ARHGAP8: variants seen among roughly 807,000 people sequenced by gnomAD.
ARHGAP8 encodes rho GTPase-activating protein 8.
Under a neutral mutation model 46.1 loss-of-function variants are expected in ARHGAP8, and 62 were observed. The observed-to-expected ratio is 1.34, with a 90% CI of 1.10 to 1.66. The LOEUF is 1.66. Ranked by LOEUF, ARHGAP8 falls within the 40% of genes most tolerant of loss-of-function variation. The pLI is 0.00. For missense variants in ARHGAP8, 923 were observed against 568.4 expected (o/e 1.62, Z -6.34); for synonymous variants, 375 against 243.1 (o/e 1.54, Z -5.05).
intron 1 of ARHGAP8, among the ~76,000 whole-genome samples, chr22:44,763,802 CTTT>C (rs201584311): frequency 3.3e-5 from 3 of 91,382 alleles, no homozygotes; most frequent in Non-Finnish European, 5.0e-5. Context: ...TTTTTCTTTT[CTTT>C]TTTTTTTTTT....
At chr22:44,796,702 C>A (rs1928113698) in intron 2 of ARHGAP8, among the ~76,000 whole-genome samples, 1 of 152,190 alleles carries the variant, frequency 6.6e-6, no homozygotes. Context: ...CGCTCTGAGT[C>A]CAGGACGCTC....
At chr22:44,861,295 A>G (rs1215328381) in intron 11 of ARHGAP8, among the ~76,000 whole-genome samples, 9 of 151,970 alleles carry the variant, frequency 5.9e-5, no homozygotes, top group African/African-American at 2.2e-4. Flanking sequence ...ATTAGGAGAG[A>G]CTGATTTCTC....
At chr22:44,756,090 AAGGCCAAGGCCAAACAG>A (rs1924650245) in intron 1 of ARHGAP8, among the ~76,000 whole-genome samples, 1 of 39,228 alleles carries the variant, frequency 2.5e-5, no homozygotes, top group Non-Finnish European at 7.0e-5. Flanking sequence ...TTCCACGCTG[AAGGCCAAGGCCAAACAG>A]TTCTTTCTTC....
At chr22:44,770,315 G>C (rs1360043691) in intron 1 of ARHGAP8, among the ~76,000 whole-genome samples, 1 of 151,876 alleles carries the variant, frequency 6.6e-6, no homozygotes, top group African/African-American at 2.4e-5. Context: ...ACTTCTGGGT[G>C]GGGGCTACAG....
At chr22:44,802,488 C>A (rs867858014) in intron 3 of ARHGAP8, among the ~76,000 whole-genome samples, 8 of 152,214 alleles carry the variant, frequency 5.3e-5, no homozygotes, top group Non-Finnish European at 8.8e-5. Flanking sequence ...GATGACACGG[C>A]TGCCGAGCGC....
At chr22:44,826,843 A>G (rs897373557) in intron 7 of ARHGAP8, among the ~76,000 whole-genome samples, 5 of 152,178 alleles carry the variant, frequency 3.3e-5, no homozygotes, top group Non-Finnish European at 7.4e-5. Context: ...CCATGTGGGC[A>G]GGGGCATTCC....
At chr22:44,835,480 G>T (rs1196676644) in intron 7 of ARHGAP8, among the ~76,000 whole-genome samples, 1 of 152,082 alleles carries the variant, frequency 6.6e-6, no homozygotes, top group Non-Finnish European at 1.5e-5. Context: ...AATTAGCCGG[G>T]CATGGTTGCA....
intron 2 of ARHGAP8, among the ~76,000 whole-genome samples, chr22:44,796,532 T>G (rs1928097805): frequency 1.3e-5 from 2 of 150,888 alleles, no homozygotes; most frequent in African/African-American, 4.9e-5. Flanking sequence ...CTGAGTTCAC[T>G]CTGTGGCCTG....
At chr22:44,845,551 G>GA (rs2069933883) in intron 8 of ARHGAP8, among the ~76,000 whole-genome samples, 1 of 118,548 alleles carries the variant, frequency 8.4e-6, no homozygotes, top group African/African-American at 4.7e-5. Context: ...TGTGACCTGG[G>GA]GCAGTTACCC....
chr22:44,834,249 T>C (rs1466728649), intron 7 of ARHGAP8, among the ~76,000 whole-genome samples: 2 of 152,180 alleles, frequency 1.3e-5, no homozygotes. Flanking sequence ...TTTTAGAATC[T>C]TGCTTTTTGC....
At chr22:44,783,111 T>C (rs1926967118) in intron 1 of ARHGAP8, among the ~76,000 whole-genome samples, 1 of 132,326 alleles carries the variant, frequency 7.6e-6, no homozygotes, top group Non-Finnish European at 1.6e-5. Flanking sequence ...ATGTTTCTGC[T>C]CAATCTTCTC....
chr22:44,788,903 C>T (rs5766021), intron 2 of ARHGAP8, among the ~76,000 whole-genome samples: 65,005 of 151,864 alleles, frequency 0.43, 14,270 homozygotes, highest in East Asian at 0.55. Context: ...TAAATGTTTC[C>T]TGTGCACGTG....
chr22:44,859,159 G>A (rs1601532137), intron 10 of ARHGAP8, among the ~76,000 whole-genome samples: 2 of 152,204 alleles, frequency 1.3e-5, no homozygotes, highest in Non-Finnish European at 2.9e-5. Context: ...TAAAGCAGAG[G>A]GATGGAGCTT....
At chr22:44,787,195 T>A (rs577421945) in intron 2 of ARHGAP8, among the ~76,000 whole-genome samples, 1 of 152,150 alleles carries the variant, frequency 6.6e-6, no homozygotes, top group Non-Finnish European at 1.5e-5. Context: ...AGGCTGAAAT[T>A]TAATGAATTG....
chr22:44,855,596 A>G (rs1451169510), intron 10 of ARHGAP8, among the ~76,000 whole-genome samples: 1 of 152,200 alleles, frequency 6.6e-6, no homozygotes, highest in Non-Finnish European at 1.5e-5. Flanking sequence ...TTGTTTCCAA[A>G]TAGTCCTTTT....
At chr22:44,846,930 T>C (rs1045980101) in intron 8 of ARHGAP8, among the ~76,000 whole-genome samples, 12 of 151,966 alleles carry the variant, frequency 7.9e-5, no homozygotes, top group Non-Finnish European at 1.8e-4. Flanking sequence ...GGAGCTGAGC[T>C]CTGAGGACGG....
chr22:44,768,055 A>G (rs978530048), intron 1 of ARHGAP8, among the ~76,000 whole-genome samples: 1 of 109,780 alleles, frequency 9.1e-6, no homozygotes, highest in Non-Finnish European at 1.7e-5. Flanking sequence ...GCTGGAGTGC[A>G]GTGGCACGAT....
chr22:44,762,469 C>G (rs1472406376), intron 1 of ARHGAP8, among the ~76,000 whole-genome samples: 1 of 151,732 alleles, frequency 6.6e-6, no homozygotes, highest in Non-Finnish European at 1.5e-5. Context: ...AGGTCTTTGT[C>G]CCTGGTTCCT....
intron 2 of ARHGAP8, among the ~76,000 whole-genome samples, chr22:44,799,185 C>T (rs1386118923): frequency 1.3e-5 from 2 of 152,220 alleles, no homozygotes; most frequent in Non-Finnish European, 2.9e-5. Context: ...GCCAAGGAAC[C>T]TTTTACTGCA....
Sources: gnomAD v4.1 joint callset for allele counts (sites outside exome capture counted in the v4.1 genomes callset) on GRCh38, gnomAD v4.1.1 for gene constraint, MANE v1.5 for transcripts, NCBI Gene and HGNC (gene_info 2026-07-23, HGNC 2026-07-21) for gene names.